UBE2C: variants seen among roughly 807,000 people sequenced by gnomAD.
The protein encoded by UBE2C is ubiquitin conjugating enzyme E2 C, also known as ubiquitin-conjugating enzyme E2 C.
A neutral mutation model predicts 23.5 loss-of-function variants in UBE2C; 16 were observed. The ratio of observed to expected loss-of-function variants is 0.68; its 90% CI spans 0.46 to 1.03. UBE2C has a LOEUF of 1.03. Ranked by LOEUF, UBE2C falls within the 50% of genes least tolerant of loss-of-function variation. The probability of loss-of-function intolerance (pLI) is 0.00; values close to 1 mark genes in which losing one functional copy is unlikely to be tolerated. For synonymous variants in UBE2C, 76 were observed against 91.6 expected (o/e 0.83, Z 0.97); for missense variants, 192 against 227.6 (o/e 0.84, Z 1.01).
intron 5 of UBE2C, 71 bp downstream of exon 5, chr20:45,815,984 G>A: frequency 6.4e-7 from 1 of 1,556,038 alleles, no homozygotes; most frequent in Admixed American, 1.9e-5. Context: ...AACAAAAGGA[G>A]CCCAGTGACT....
intron 3 of UBE2C, 71 bp downstream of exon 3, chr20:45,814,541 G>A: frequency 1.6e-6 from 2 of 1,278,268 alleles, no homozygotes; most frequent in Non-Finnish European, 2.2e-6. Context: ...TGCGAGCTCT[G>A]CTTCAAGCCT....
intron 2 of UBE2C, 129 bp downstream of exon 2, chr20:45,813,593 C>T (rs918582967): frequency 1.7e-6 from 2 of 1,164,482 alleles, no homozygotes; most frequent in Non-Finnish European, 2.6e-6. Flanking sequence ...AGTTCATACA[C>T]CCCACCTACA....
Position 45,815,925 on chromosome 20 carries a change from G to A in UBE2C, c.481+12G>A, listed in dbSNP as rs1982505039. 1 of 1,613,988 alleles carries A rather than the reference G, an allele frequency of 6.2e-7. No individual in the cohort carries two copies. Among genetic ancestry groups the A allele is most frequent in the South Asian group, 1.1e-5 (1 of 91,058 alleles). On this transcript the variant is annotated intron_variant, in intron 5 of 5. Coordinates refer to ENST00000356455, the MANE Select transcript of UBE2C (RefSeq NM_007019.4). ...GAAAAACCCCACAGGTGAGTCCTCA[G>A]TCCTTGAGCCCAGGGTGATCCCTCC...
Position 45,812,745 on chromosome 20 carries a change from G to T in UBE2C, c.50G>T (p.Arg17Leu), listed in dbSNP as rs1376325872. The change falls in exon 1 of 6, where the codon CGT becomes CTT. Residue 17 changes from arginine (R) to leucine (L), a missense_variant. Physicochemically the swap from Arg to Leu is moderately radical, Grantham distance 102. Transcript: ENST00000356455. ...GCCGCCACTAGCGTCGCCGCCGCCC[G>T]TAAAGGAGCTGAGCCGAGCGGGGGC... is the stretch of plus-strand genomic sequence containing the variant. The part of the protein sequence containing the change: ...DPAATSVAAA[R>L]KGAEPSGGAA... The T allele has an allele frequency of 1.9e-6, 3 of 1,557,066 alleles. No homozygotes were observed. Among genetic ancestry groups the T allele is most frequent in the East Asian group, 2.4e-5 (1 of 41,528 alleles).
chr20:45,813,254 G>A, intron 1 of UBE2C, 183 bp from the exon 2 acceptor site: 2 of 1,499,912 alleles, frequency 1.3e-6, no homozygotes, highest in Non-Finnish European at 1.8e-6. Context: ...TGGAATTAGG[G>A]AGGGTGAGGA....
Position 45,812,784 on chromosome 20 carries a change from C to T in UBE2C, c.89C>T (p.Pro30Leu). 6.4e-7 allele frequency: 1 copy of T among 1,555,892 alleles called. No homozygotes were observed. Among genetic ancestry groups the T allele is most frequent in the Non-Finnish European group, 8.7e-7 (1 of 1,149,844 alleles). ...AEPSGGAARGPVGKRLQQELM... is the reference protein window; with the variant it reads ...AEPSGGAARGLVGKRLQQELM... ...CCGAGCGGGGGCGCCGCCCGGGGTC[C>T]GGTGGGCAAAAGGTGAGTGATGCGG... Residue 30 changes from proline (P) to leucine (L), a missense_variant, in exon 1 of 6, where the codon CCG becomes CTG. By Grantham distance (98) the Pro-to-Leu change is moderately conservative. Coordinates refer to ENST00000356455, the MANE Select transcript of UBE2C (RefSeq NM_007019.4).
rs200696786 is a variant in UBE2C at position 45,815,393 on chromosome 20, G to C, written c.217-148G>C. 1.3e-4 allele frequency: 208 copies of C among 1,596,168 alleles called. 1 individual carries two copies. In the Middle Eastern group the frequency reaches 1.8e-3, roughly 14 times the overall value. ...ACTAAAAAAACTTTTTAAAAAGGCA[G>C]TGGGGAGCATCAGAACCAGCTCAAC... On this transcript the variant is annotated intron_variant, in intron 3 of 5. Transcript: ENST00000356455.
rs1223941923 is a variant in UBE2C at position 45,813,462 on chromosome 20, A to G, written c.127A>G (p.Met43Val). ...GCTACAGCAGGAGCTGATGACCCTC[A>G]TGGTGAGTGATTAAGTGCCCAGAAC... ...KRLQQELMTL[M>V]MSGDKGISAF... The change falls in exon 2 of 6, where the codon ATG (methionine) becomes GTG (valine). Residue 43 changes from methionine (M) to valine (V), a missense_variant and splice_region_variant. Coordinates refer to ENST00000356455, the MANE Select transcript of UBE2C (RefSeq NM_007019.4). 7.4e-6 allele frequency: 12 copies of G among 1,614,022 alleles called. 1 individual carries two copies. The highest frequency in any genetic ancestry group is 1.0e-5 in the Non-Finnish European group (12 of 1,180,028).
At chr20:45,814,557 G>A (rs919707214) in intron 3 of UBE2C, 87 bp downstream of exon 3, 57 of 1,019,338 alleles carry the variant, frequency 5.6e-5, no homozygotes, top group East Asian at 8.3e-5. Context: ...AGCCTTTGGC[G>A]GAGCAAGACA....
At chr20:45,813,963 G>A (rs1323927221) in intron 2 of UBE2C, among the ~76,000 whole-genome samples, 1 of 151,896 alleles carries the variant, frequency 6.6e-6, no homozygotes. Flanking sequence ...AAATTATCCA[G>A]GCATGGTGGT....
At chr20:45,813,591 C>T (rs1601040391) in intron 2 of UBE2C, 127 bp downstream of exon 2, 9 of 1,194,594 alleles carry the variant, frequency 7.5e-6, no homozygotes, top group Non-Finnish European at 1.1e-5. Flanking sequence ...GAAGTTCATA[C>T]ACCCCACCTA....
chr20:45,814,433 T>C lies in UBE2C; in HGVS notation c.179T>C (p.Phe60Ser), dbSNP rs1174298561. ...ISAFPESDNLFKWVGTIHGAA... is the reference protein window; with the variant it reads ...ISAFPESDNLSKWVGTIHGAA... ...GCCTTCCCTGAATCAGACAACCTTT[T>C]CAAATGGGTAGGGACCATCCATGGA... The change falls in exon 3 of 6, where the codon TTC becomes TCC. Residue 60 changes from phenylalanine (F) to serine (S), a missense_variant. Physicochemically the swap from Phe to Ser is radical, Grantham distance 155. Coordinates refer to ENST00000356455, the MANE Select transcript of UBE2C (RefSeq NM_007019.4). 1 of 1,611,440 alleles carries C rather than the reference T, an allele frequency of 6.2e-7. No individual in the cohort carries two copies. The highest frequency in any genetic ancestry group is 8.5e-7 in the Non-Finnish European group (1 of 1,178,716).
intron 2 of UBE2C, 108 bp downstream of exon 2, chr20:45,813,572 C>T (rs962956190): frequency 6.8e-7 from 1 of 1,480,376 alleles, no homozygotes; most frequent in South Asian, 1.1e-5. Flanking sequence ...TTTGCTCCCT[C>T]CTGGGAAAGA....
At chr20:45,815,435 G>A (rs145980514) in intron 3 of UBE2C, 106 bp from the exon 4 acceptor site, 354 of 1,613,952 alleles carry the variant, frequency 2.2e-4, no homozygotes, top group Non-Finnish European at 2.8e-4. Context: ...TCTACTGTCC[G>A]GTCCCAGAGA....
chr20:45,813,144 G>A (rs1982084847), intron 1 of UBE2C: 1 of 1,401,824 alleles, frequency 7.1e-7, no homozygotes, highest in Non-Finnish European at 9.2e-7. Flanking sequence ...GGACCCTCGT[G>A]ACTTGGCCGA....
intron 2 of UBE2C, among the ~76,000 whole-genome samples, chr20:45,813,840 A>C (rs1691491115): frequency 6.6e-6 from 1 of 152,078 alleles, no homozygotes; most frequent in Non-Finnish European, 1.5e-5. Context: ...GCGGTAGCTC[A>C]CACCTTATAA....
intron 2 of UBE2C, 85 bp from the exon 3 acceptor site, chr20:45,814,294 ATATAT>A: frequency 4.8e-6 from 2 of 415,028 alleles, no homozygotes; most frequent in Non-Finnish European, 7.9e-6. Flanking sequence ...ATATATATAT[ATATAT>A]AAAATTAAGG....
At chr20:45,812,872 C>T in intron 1 of UBE2C, 76 bp downstream of exon 1, 1 of 1,472,216 alleles carries the variant, frequency 6.8e-7, no homozygotes, top group Non-Finnish European at 9.0e-7. Context: ...ATTTCTAGGA[C>T]CACCCCCCGC....
Position 45,815,655 on chromosome 20 carries a change from G to T in UBE2C, c.331G>T (p.Gly111Cys). ...PCYHPNVDTQ[G>C]NICLDILKEK... ...CTATCACCCCAACGTGGACACCCAG[G>T]GTAACATATGCCTGGACATCCTGAA... Residue 111 changes from glycine to cysteine, a missense_variant, in exon 4 of 6, where the codon GGT becomes TGT. Gly to Cys is a radical substitution (Grantham distance 159, BLOSUM62 -3). Transcript: ENST00000356455. The T allele has an allele frequency of 6.2e-7, 1 of 1,614,108 alleles. No homozygotes were observed. The highest frequency in any genetic ancestry group is 8.5e-7 in the Non-Finnish European group (1 of 1,180,016).
Sources: allele counts gnomAD v4.1 joint callset (sites outside exome capture counted in the v4.1 genomes callset), GRCh38; gene constraint gnomAD v4.1.1; transcripts MANE v1.5; gene names NCBI Gene and HGNC (gene_info 2026-07-23, HGNC 2026-07-21).